Variants in NT5DC1 observed in about 807,000 individuals in gnomAD.
NT5DC1 encodes the protein 5'-nucleotidase domain-containing protein 1.
NT5DC1 carries 42 observed loss-of-function variants against 59.4 expected under a neutral mutation model. The observed-to-expected ratio is 0.71, with a 90% CI of 0.55 to 0.92. The LOEUF is 0.92. NT5DC1 is among the 40% of genes least tolerant of loss of function. The probability of loss-of-function intolerance (pLI) is 0.00; values close to 1 mark genes in which losing one functional copy is unlikely to be tolerated. For synonymous variants in NT5DC1, 172 were observed against 188.1 expected (o/e 0.91, Z 0.70); for missense variants, 501 against 537.1 (o/e 0.93, Z 0.66).
In NT5DC1 at chr6:116,244,665, G is replaced by A. The variant is rs1430337787; in HGVS notation, c.*641G>A. 1 of 152,168 alleles carries A rather than the reference G, an allele frequency of 6.6e-6. No individual in the cohort carries two copies. The allele number at this position is 152,168 out of a possible 1,614,324, so 9.4% of individuals were successfully genotyped here. On this transcript the variant is annotated 3_prime_UTR_variant, in exon 12 of 12. Coordinates refer to ENST00000319550, the MANE Select transcript of NT5DC1 (RefSeq NM_152729.3). ...CTTTCAATTAATAGTCAAGAACATTGAGTCCAGTGAGATTAAGTGATTTTT... is the reference window on the plus strand; with the variant it reads ...CTTTCAATTAATAGTCAAGAACATTAAGTCCAGTGAGATTAAGTGATTTTT...
intron 6 of NT5DC1, among the ~76,000 whole-genome samples, chr6:116,172,523 T>C (rs1000251361): frequency 1.3e-5 from 2 of 152,116 alleles, no homozygotes; most frequent in Admixed American, 1.3e-4. Flanking sequence ...GGTTTCACCA[T>C]GTTGGCCAGG....
chr6:116,211,653 C>T (rs1255874189), intron 6 of NT5DC1, among the ~76,000 whole-genome samples: 2 of 152,068 alleles, frequency 1.3e-5, no homozygotes, highest in East Asian at 1.9e-4. Flanking sequence ...ATAGAGTCCA[C>T]GAAGTATATT....
chr6:116,170,183 G>A (rs1222004229), intron 6 of NT5DC1, among the ~76,000 whole-genome samples: 1 of 152,162 alleles, frequency 6.6e-6, no homozygotes, highest in Non-Finnish European at 1.5e-5. Context: ...TTGCTGTGAA[G>A]TGGAGAGACA....
intron 6 of NT5DC1, among the ~76,000 whole-genome samples, chr6:116,218,405 G>A (rs1042796358): frequency 2.0e-5 from 3 of 151,818 alleles, no homozygotes; most frequent in African/African-American, 7.3e-5. Flanking sequence ...TTTTTCTTAC[G>A]TAGCCCATAA....
intron 8 of NT5DC1, among the ~76,000 whole-genome samples, chr6:116,224,537 G>T (rs1259907487): frequency 6.6e-6 from 1 of 152,102 alleles, no homozygotes; most frequent in African/African-American, 2.4e-5. Context: ...GTCCAAAAAG[G>T]TTAGGTAGGG....
chr6:116,125,108 A>G (rs1779254732), intron 6 of NT5DC1, among the ~76,000 whole-genome samples: 1 of 152,114 alleles, frequency 6.6e-6, no homozygotes, highest in East Asian at 1.9e-4. Context: ...AAAAGTTCTG[A>G]TTTTTTGCAG....
At chr6:116,207,580 TC>T in intron 6 of NT5DC1, among the ~76,000 whole-genome samples, 1 of 152,020 alleles carries the variant, frequency 6.6e-6, no homozygotes, top group Middle Eastern at 3.4e-3. Context: ...ATATGTTAAT[TC>T]TAAAAAATAC....
chr6:116,245,337 T>C lies in NT5DC1; in HGVS notation c.*1313T>C, dbSNP rs1771825416. 6.6e-6 allele frequency: 1 copy of C among 152,568 alleles called. No homozygotes were observed. The highest frequency in any genetic ancestry group is 6.5e-5 in the Admixed American group (1 of 15,282). 9.5% of individuals were successfully genotyped at this position (152,568 alleles called of 1,614,324 possible). A position where few individuals can be genotyped will look rare whatever the true frequency, so the allele number is the denominator to read the frequency against. On this transcript the variant is annotated 3_prime_UTR_variant, in exon 12 of 12. Coordinates refer to ENST00000319550, the MANE Select transcript of NT5DC1 (RefSeq NM_152729.3). ...TTACAAACACTATCATTATTTTACC[T>C]GGATTGAAGTGCAGAATTTGGCATA...
intron 6 of NT5DC1, among the ~76,000 whole-genome samples, chr6:116,194,061 C>A (rs1204838): frequency 0.63 from 94,880 of 151,730 alleles, 31,496 homozygotes; most frequent in African/African-American, 0.86. Context: ...ACAACAACAA[C>A]AAAAGAATAT....
rs549774964 is a variant in NT5DC1 at position 116,115,598 on chromosome 6, A to G, written c.365-93A>G. 5.2e-6 allele frequency: 3 copies of G among 571,688 alleles called. No homozygotes were observed. The South Asian group carries it at 7.3e-5, about 14-fold the overall frequency. The allele number at this position is 571,688 out of a possible 1,614,324, so 35.4% of individuals were successfully genotyped here. A position where few individuals can be genotyped will look rare whatever the true frequency, so the allele number is the denominator to read the frequency against. ...AATGGAGGCTTCTTCAGATAATTAA[A>G]CAAAATCTAGTGTCTCTTCAGCCAT... On this transcript the variant is annotated intron_variant, in intron 4 of 11. Transcript: ENST00000319550.
At chr6:116,101,434 T>C (rs1429763619) in intron 1 of NT5DC1, among the ~76,000 whole-genome samples, 1 of 146,828 alleles carries the variant, frequency 6.8e-6, no homozygotes, top group Non-Finnish European at 1.6e-5. Context: ...AGCCACTTGA[T>C]TTGGTACTTG....
rs1235183358 is a variant in NT5DC1, at chr6:116,100,886, G to A, written c.-45G>A. 1.4e-6 allele frequency: 2 copies of A among 1,475,484 alleles called. No homozygotes were observed. The highest frequency in any genetic ancestry group is 9.3e-7 in the Non-Finnish European group (1 of 1,077,970). The allele number at this position is 1,475,484 out of a possible 1,614,324, so 91.4% of individuals were successfully genotyped here. On this transcript the variant is annotated 5_prime_UTR_variant, in exon 1 of 12. Coordinates refer to ENST00000319550, the MANE Select transcript of NT5DC1 (RefSeq NM_152729.3). The stretch of plus-strand genomic sequence containing the variant: ...GCAGCGTCCCGCCAGCCAGCTCCTT[G>A]CACCCTTCGCGGCCGAGGCGCTCCC...
At chr6:116,191,983 G>A (rs1181703615) in intron 6 of NT5DC1, among the ~76,000 whole-genome samples, 1 of 151,980 alleles carries the variant, frequency 6.6e-6, no homozygotes, top group Non-Finnish European at 1.5e-5. Flanking sequence ...TAGAAATTAC[G>A]AGCAAACATG....
intron 6 of NT5DC1, chr6:116,121,585 A>C: frequency 6.2e-7 from 1 of 1,613,702 alleles, no homozygotes; most frequent in Non-Finnish European, 8.5e-7. Flanking sequence ...CTCCTGGTGC[A>C]CCCTTTTCTC....
rs189754899 is a variant in NT5DC1, at chr6:116,218,840, A to G, written c.530-2214A>G. 6.6e-5 allele frequency among the ~76,000 whole-genome samples: 10 copies of G among 152,280 alleles called. 1 individual carries two copies. Among genetic ancestry groups the G allele is most frequent in the Admixed American group, 2.0e-4 (3 of 15,300 alleles). On this transcript the variant is annotated intron_variant, in intron 6 of 11. Transcript: ENST00000319550. ...TTGGTCTGGTTATGATATTCATGCAATATATTTTCTGAATCATGATGCTTT... is the reference window on the plus strand; with the variant it reads ...TTGGTCTGGTTATGATATTCATGCAGTATATTTTCTGAATCATGATGCTTT...
chr6:116,193,686 G>A (rs529097333), intron 6 of NT5DC1, among the ~76,000 whole-genome samples: 6 of 152,008 alleles, frequency 3.9e-5, no homozygotes, highest in African/African-American at 7.2e-5. Flanking sequence ...TTTTCAAAGC[G>A]TGCTTTAATT....
intron 6 of NT5DC1, among the ~76,000 whole-genome samples, chr6:116,155,743 A>G (rs1780173181): frequency 1.4e-5 from 2 of 145,902 alleles, no homozygotes; most frequent in Admixed American, 6.9e-5. Context: ...GAAATAATGT[A>G]CTTCTCCTTA....
intron 6 of NT5DC1, among the ~76,000 whole-genome samples, chr6:116,147,912 G>A (rs1183498438): frequency 6.6e-6 from 1 of 152,028 alleles, no homozygotes; most frequent in South Asian, 2.1e-4. Flanking sequence ...CTTGAACCTG[G>A]GAGGCGGAGG....
intron 6 of NT5DC1, among the ~76,000 whole-genome samples, chr6:116,171,204 C>A (rs1780599153): frequency 6.6e-6 from 1 of 151,992 alleles, no homozygotes; most frequent in Admixed American, 6.6e-5. Flanking sequence ...GTCACCACTA[C>A]CTTTTACATA....
Sources: allele counts gnomAD v4.1 joint callset (sites outside exome capture counted in the v4.1 genomes callset), GRCh38; gene constraint gnomAD v4.1.1; transcripts MANE v1.5; gene names NCBI Gene and HGNC (gene_info 2026-07-23, HGNC 2026-07-21).